The following CREB5 variants were observed in gnomAD, a reference collection of about 807,000 sequenced individuals.
The protein encoded by CREB5 is cyclic AMP-responsive element-binding protein 5.
CREB5 carries 19 observed loss-of-function variants against 57.1 expected under a neutral mutation model. That is an observed-to-expected ratio of 0.33 (90% confidence interval 0.23 to 0.49). The LOEUF (loss-of-function observed/expected upper bound fraction) is 0.49. CREB5 is among the 20% of genes least tolerant of loss of function. The pLI, the probability that CREB5 is intolerant of heterozygous loss-of-function variation, is 0.99. For synonymous variants in CREB5, 238 were observed against 238.3 expected, an observed-to-expected ratio of 1.00 and a Z score of 0.01; for missense variants, 579 against 671.6, an observed-to-expected ratio of 0.86 and a Z score of 1.52.
intron 4 of CREB5, among the ~76,000 whole-genome samples, chr7:28,537,595 G>A (rs1259168297): frequency 6.6e-6 from 1 of 152,130 alleles, no homozygotes; most frequent in Non-Finnish European, 1.5e-5. Flanking sequence ...GCAGAACTTG[G>A]GAGCTGCTTG....
At chr7:28,573,119 G>A (rs185916729) in intron 5 of CREB5, among the ~76,000 whole-genome samples, 4 of 152,260 alleles carry the variant, frequency 2.6e-5, no homozygotes, top group African/African-American at 9.6e-5. Flanking sequence ...AGTGGATTCA[G>A]TATGAAACTC....
intron 7 of CREB5, among the ~76,000 whole-genome samples, chr7:28,747,418 G>A (rs1804744951): frequency 6.6e-6 from 1 of 152,214 alleles, no homozygotes; most frequent in Admixed American, 6.5e-5. Context: ...TAGCAAAGTG[G>A]CTGAGCAACA....
At chr7:28,307,652 T>G (rs1175323629) in intron 1 of CREB5, among the ~76,000 whole-genome samples, 1 of 152,256 alleles carries the variant, frequency 6.6e-6, no homozygotes, top group Non-Finnish European at 1.5e-5. Flanking sequence ...GGAAATTAGT[T>G]GGACTTAGCT....
chr7:28,412,321 TA>T (rs538830084), upstream of CREB5, among the ~76,000 whole-genome samples: 378 of 151,266 alleles, frequency 2.5e-3, 1 homozygote, highest in Non-Finnish European at 4.1e-3. Flanking sequence ...TCAGTAGCGA[TA>T]TTTTTTTTTA....
chr7:28,680,541 T>A (rs1377395994), intron 5 of CREB5, among the ~76,000 whole-genome samples: 1 of 152,110 alleles, frequency 6.6e-6, no homozygotes, highest in African/African-American at 2.4e-5. Context: ...GAAGATCACT[T>A]GGGTCCAAGA....
intron 1 of CREB5, among the ~76,000 whole-genome samples, chr7:28,471,394 T>A (rs144804372): frequency 6.6e-6 from 1 of 152,300 alleles, no homozygotes; most frequent in African/African-American, 2.4e-5. Flanking sequence ...CATGTGTGGA[T>A]TCATTTCTGG....
intron 4 of CREB5, among the ~76,000 whole-genome samples, chr7:28,555,226 A>C (rs1794817564): frequency 6.6e-6 from 1 of 152,170 alleles, no homozygotes; most frequent in South Asian, 2.1e-4. Context: ...AAGACAAAGC[A>C]TTCATGAGGG....
chr7:28,554,319 A>G (rs1424360483), intron 4 of CREB5, among the ~76,000 whole-genome samples: 1 of 152,132 alleles, frequency 6.6e-6, no homozygotes, highest in Non-Finnish European at 1.5e-5. Flanking sequence ...TCTCCATGGT[A>G]TATTTCAACT....
At chr7:28,417,535 G>T (rs1788076805) in intron 1 of CREB5, among the ~76,000 whole-genome samples, 1 of 152,088 alleles carries the variant, frequency 6.6e-6, no homozygotes, top group Admixed American at 6.5e-5. Context: ...AGTACCACCT[G>T]TGGAACTTAT....
chr7:28,528,704 C>CAAAA (rs778154325), intron 4 of CREB5, among the ~76,000 whole-genome samples: 31 of 58,380 alleles, frequency 5.3e-4, no homozygotes, highest in East Asian at 1.0e-3. Flanking sequence ...AACTCCATCT[C>CAAAA]AAAAAAAAAA....
intron 3 of CREB5, among the ~76,000 whole-genome samples, chr7:28,498,839 G>A (rs1338311397): frequency 6.6e-6 from 1 of 152,158 alleles, no homozygotes; most frequent in Non-Finnish European, 1.5e-5. Flanking sequence ...CTAATGTGAT[G>A]ATAGATGTGA....
chr7:28,559,140 A>T (rs1035357420), intron 4 of CREB5, among the ~76,000 whole-genome samples: 1 of 152,016 alleles, frequency 6.6e-6, no homozygotes, highest in Admixed American at 6.5e-5. Context: ...GTTTCTAGTC[A>T]CTTTGCTTTG....
chr7:28,377,746 G>GTGAA (rs1786863592), intron 1 of CREB5, among the ~76,000 whole-genome samples: 1 of 151,132 alleles, frequency 6.6e-6, no homozygotes, highest in African/African-American at 2.4e-5. Context: ...GGCTAACACG[G>GTGAA]TGAAACCCCC....
chr7:28,378,271 G>A (rs927632617), intron 1 of CREB5, among the ~76,000 whole-genome samples: 2 of 148,560 alleles, frequency 1.3e-5, no homozygotes, highest in African/African-American at 5.0e-5. Context: ...ATTGTATTGC[G>A]GCTACAGTCA....
At chr7:28,780,558 C>CA (rs1289922043) in intron 7 of CREB5, among the ~76,000 whole-genome samples, 1 of 151,996 alleles carries the variant, frequency 6.6e-6, no homozygotes, top group Admixed American at 6.5e-5. Flanking sequence ...CCTGTCTCTA[C>CA]AAAAAATATA....
intron 5 of CREB5, among the ~76,000 whole-genome samples, chr7:28,652,359 T>C (rs995294633): frequency 1.3e-5 from 2 of 152,210 alleles, no homozygotes; most frequent in African/African-American, 4.8e-5. Context: ...ACACTATGGT[T>C]TTAAAGATAT....
At chr7:28,481,923 C>A (rs1275084459) in intron 1 of CREB5, among the ~76,000 whole-genome samples, 1 of 152,106 alleles carries the variant, frequency 6.6e-6, no homozygotes, top group Non-Finnish European at 1.5e-5. Context: ...AAGACAAACA[C>A]AAAGTAATTG....
At chr7:28,612,028 C>T (rs1365869496) in intron 5 of CREB5, among the ~76,000 whole-genome samples, 9 of 152,148 alleles carry the variant, frequency 5.9e-5, no homozygotes, top group Non-Finnish European at 8.8e-5. Context: ...AAGGACACCA[C>T]GTAGTCAGCT....
intron 7 of CREB5, among the ~76,000 whole-genome samples, chr7:28,771,902 G>C (rs1212227382): frequency 6.6e-6 from 1 of 152,106 alleles, no homozygotes; most frequent in Non-Finnish European, 1.5e-5. Context: ...TAAACTCAGG[G>C]AGCATCCCAG....
Sources: gnomAD v4.1 joint callset for allele counts (sites outside exome capture counted in the v4.1 genomes callset) on GRCh38, gnomAD v4.1.1 for gene constraint, MANE v1.5 for transcripts, NCBI Gene and HGNC (gene_info 2026-07-23, HGNC 2026-07-21) for gene names.